Variants in EPPK1 observed in about 807,000 individuals in gnomAD.
EPPK1 encodes the protein epiplakin 1, also known as epiplakin.
For missense variants in EPPK1, 3,823 were observed against 3,673.3 expected (o/e 1.04, Z -1.05); for synonymous variants, 1,862 against 1,721.2 (o/e 1.08, Z -2.03).
At position 143,857,868 on chromosome 8, in the gene EPPK1, T is replaced by G. The variant is rs561516272; in HGVS notation, c.*119A>C. The G allele has an allele frequency of 7.1e-6, 5 of 706,870 alleles. No homozygotes were observed. The African/African-American group carries it at 1.2e-4, about 17-fold the overall frequency. 43.8% of individuals were successfully genotyped at this position (706,870 alleles called of 1,614,324 possible). ...TAAAACGTTTTCCACAGATAACGAA[T>G]GGGTAAAACAACAAAATTAAAGAAT... On this transcript the variant is annotated 3_prime_UTR_variant, in exon 2 of 2. Transcript: ENST00000615648.
rs1554660207 is a variant in EPPK1, at chr8:143,869,068, C to T, written c.4186G>A (p.Val1396Ile). The change falls in exon 2 of 2, where the codon GTT becomes ATT. Residue 1396 changes from valine to isoleucine, a missense_variant. Physicochemically the swap from Val to Ile is conservative, Grantham distance 29. Coordinates refer to ENST00000615648, the MANE Select transcript of EPPK1 (RefSeq NM_031308.4). ...DTQTSQVLTA[V>I]DKDNKFFFDP... ...AAGAAGAACTTGTTGTCCTTGTCAA[C>T]TGCAGTCAGCACCTGGCTCGTCTGT... The T allele has an allele frequency of 1.2e-6, 2 of 1,608,674 alleles. No homozygotes were observed. The highest frequency in any genetic ancestry group is 1.7e-6 in the Non-Finnish European group (2 of 1,179,846).
In EPPK1 at chr8:143,869,221, C is replaced by T. The variant is rs151228615; in HGVS notation, c.4033G>A (p.Gly1345Arg). ...SLSLWQAMEKGLVPQNEGLPL... is the reference protein window; with the variant it reads ...SLSLWQAMEKRLVPQNEGLPL... ...AAGCCCTCGTTCTGTGGCACGAGCC[C>T]CTTCTCCATGGCCTGCCACAGAGAG... The change falls in exon 2 of 2, where the codon GGG becomes AGG. Residue 1345 changes from glycine (G) to arginine (R), a missense_variant. Gly to Arg is a moderately radical substitution (Grantham distance 125, BLOSUM62 -2). Transcript: ENST00000615648. 732 of 1,610,952 alleles carry T rather than the reference C, an allele frequency of 4.5e-4. 9 individuals carry two copies. The African/African-American group carries it at 7.9e-3, about 17-fold the overall frequency.
chr8:143,869,246 G>A lies in EPPK1; in HGVS notation c.4008C>T (p.Leu1336=), dbSNP rs782152904. The A allele has an allele frequency of 1.6e-5, 26 of 1,610,418 alleles. No homozygotes were observed. Among genetic ancestry groups the A allele is most frequent in the Non-Finnish European group, 2.0e-5 (24 of 1,179,320 alleles). ...GYPDPYSRAS[L]SLWQAMEKGL... Reference sequence around the variant, plus strand: ...CCTTCTCCATGGCCTGCCACAGAGAGAGGGAGGCCCTAGAGTAGGGATCTG... The same window carrying A: ...CCTTCTCCATGGCCTGCCACAGAGAAAGGGAGGCCCTAGAGTAGGGATCTG... The change falls in exon 2 of 2, where the codon CTC becomes CTT. Residue 1336 remains leucine (L), a synonymous_variant. Coordinates refer to ENST00000615648, the MANE Select transcript of EPPK1 (RefSeq NM_031308.4).
At position 143,857,896 on chromosome 8, in the gene EPPK1, CAAAAAAAAAA is replaced by C. The variant is rs35186960; in HGVS notation, c.*81_*90del. The C allele has an allele frequency of 9.3e-6, 4 of 432,134 alleles. No individual in the cohort carries two copies. Among genetic ancestry groups the C allele is most frequent in the South Asian group, 8.8e-5 (2 of 22,810 alleles). 26.8% of individuals were successfully genotyped at this position (432,134 alleles called of 1,614,324 possible). A position where few individuals can be genotyped will look rare whatever the true frequency, so the allele number is the denominator to read the frequency against. ...GTAAAACAACAAAATTAAAGAATGA[CAAAAAAAAAA>C]AAAAAAAAAAAAACAACCCAGACAC... On this transcript the variant is annotated 3_prime_UTR_variant, in exon 2 of 2. Transcript: ENST00000615648.
intron 1 of EPPK1, among the ~76,000 whole-genome samples, chr8:143,877,730 G>A (rs1239797627): frequency 6.6e-6 from 1 of 152,124 alleles, no homozygotes; most frequent in African/African-American, 2.4e-5. Flanking sequence ...GTGCCCTTGT[G>A]GGAAGACCCC....
At position 143,869,143 on chromosome 8, in the gene EPPK1, C is replaced by T. The variant is rs376905444; in HGVS notation, c.4111G>A (p.Gly1371Arg). ...GCTGCCGCCTGGGGCAGGTGCACCC[C>T]GTGGACAGGGTCCACCACACCCCCT... ...ATGGVVDPVH[G>R]VHLPQAAACR... The change falls in exon 2 of 2, where the codon GGG becomes AGG. Residue 1371 changes from glycine to arginine, a missense_variant. By Grantham distance (125) the Gly-to-Arg change is moderately radical (BLOSUM62 -2). Transcript: ENST00000615648. 32 of 1,606,140 alleles carry T rather than the reference C, an allele frequency of 2.0e-5. No homozygotes were observed. The African/African-American group carries it at 2.0e-4, about 10-fold the overall frequency.
At position 143,868,811 on chromosome 8, in the gene EPPK1, G is replaced by T; in HGVS notation, c.4443C>A (p.Asp1481Glu). Residue 1481 changes from aspartate (D) to glutamate (E), a missense_variant, in exon 2 of 2, where the codon GAC becomes GAA. Physicochemically the swap from Asp to Glu is conservative, Grantham distance 45 (BLOSUM62 2). Transcript: ENST00000615648. ...DLLLSEYVGADKRRELVALCR... is the reference protein window; with the variant it reads ...DLLLSEYVGAEKRRELVALCR... ...AGAGTGCCACCAGCTCCCGCCGCTT[G>T]TCAGCGCCAACGTATTCGGAGAGCA... is the stretch of plus-strand genomic sequence containing the variant. The T allele has an allele frequency of 6.2e-7, 1 of 1,604,614 alleles. No individual in the cohort carries two copies.
At chr8:143,878,934 C>T (rs1224835184), upstream of EPPK1, among the ~76,000 whole-genome samples, 1 of 152,166 alleles carries the variant, frequency 6.6e-6, no homozygotes, top group Admixed American at 6.5e-5. Context: ...GCAGGCCCCC[C>T]TGCCCCCATG....
At position 143,857,636 on chromosome 8, in the gene EPPK1, T is replaced by G. The variant is rs1466607329; in HGVS notation, c.*351A>C. 3 of 275,502 alleles carry G rather than the reference T, an allele frequency of 1.1e-5. No homozygotes were observed. The highest frequency in any genetic ancestry group is 6.6e-5 in the African/African-American group (3 of 45,596). 17.1% of individuals were successfully genotyped at this position (275,502 alleles called of 1,614,324 possible). A position where few individuals can be genotyped will look rare whatever the true frequency, so the allele number is the denominator to read the frequency against. On this transcript the variant is annotated 3_prime_UTR_variant, in exon 2 of 2. Transcript: ENST00000615648. Reference sequence around the variant, plus strand: ...AATAAAAATTACACTGCAACAAGAGTACCCGATGGCATGATGGACTGAGAG... The same window carrying G: ...AATAAAAATTACACTGCAACAAGAGGACCCGATGGCATGATGGACTGAGAG...
rs782514891 is a variant in EPPK1, at chr8:143,870,409, C to T, written c.2845G>A (p.Ala949Thr). 1 of 1,586,914 alleles carries T rather than the reference C, an allele frequency of 6.3e-7. No homozygotes were observed. The highest frequency in any genetic ancestry group is 8.5e-7 in the Non-Finnish European group (1 of 1,172,050). Residue 949 changes from alanine to threonine, a missense_variant, in exon 2 of 2, where the codon GCC (alanine) becomes ACC (threonine). Ala to Thr is a moderately conservative substitution (Grantham distance 58). Coordinates refer to ENST00000615648, the MANE Select transcript of EPPK1 (RefSeq NM_031308.4). The surrounding 1 kb of genome is among the most constrained non-coding windows in gnomAD (Gnocchi z 5.2). ...GGCCCCAGCAGCTTCTGCCTCATGG[C>T]CTGGTAGAGGCTGAGCCGCTGGCCA... is the stretch of plus-strand genomic sequence containing the variant. ...PSGQRLSLYQ[A>T]MRQKLLGPRV...
intron 1 of EPPK1, among the ~76,000 whole-genome samples, chr8:143,875,970 G>A (rs1276985033): frequency 1.3e-5 from 2 of 152,094 alleles, no homozygotes; most frequent in African/African-American, 4.8e-5. Context: ...ACTGACCTAT[G>A]ATGGAGCTTG....
Position 143,871,328 on chromosome 8 carries a change from G to T in EPPK1, c.1926C>A (p.Ile642=), listed in dbSNP as rs781944296. ...CTGTGGCAGCTTGTGCCTCCAGAAG[G>T]ATGAGGGCAGTGCCGGGCCGGAGGA... ...KGLLRPGTAL[I]LLEAQAATGF... is the part of the protein sequence containing the mutation. Residue 642 remains isoleucine (I), a synonymous_variant, in exon 2 of 2, where the codon ATC becomes ATA. Transcript: ENST00000615648. 16 of 1,611,790 alleles carry T rather than the reference G, an allele frequency of 9.9e-6. No homozygotes were observed. The highest frequency in any genetic ancestry group is 1.4e-5 in the Non-Finnish European group (16 of 1,179,500).
Position 143,868,882 on chromosome 8 carries a change from T to C in EPPK1, c.4372A>G (p.Ser1458Gly). The change falls in exon 2 of 2, where the codon AGC becomes GGC. Residue 1458 changes from serine (S) to glycine (G), a missense_variant. By Grantham distance (56) the Ser-to-Gly change is moderately conservative (BLOSUM62 0). Coordinates refer to ENST00000615648, the MANE Select transcript of EPPK1 (RefSeq NM_031308.4). ...VALRAMKVPV[S>G]TGRFKGCSVS... ...CTACACCCCTTAAACCTCCCTGTGCTGACGGGCACCTTCATGGCCCTCAGA... is the reference window on the plus strand; with the variant it reads ...CTACACCCCTTAAACCTCCCTGTGCCGACGGGCACCTTCATGGCCCTCAGA... The C allele has an allele frequency of 6.2e-7, 1 of 1,610,938 alleles. No homozygotes were observed. The highest frequency in any genetic ancestry group is 1.1e-5 in the South Asian group (1 of 91,076).
At chr8:143,878,942 A>G (rs1386022166), upstream of EPPK1, among the ~76,000 whole-genome samples, 1 of 152,000 alleles carries the variant, frequency 6.6e-6, no homozygotes, top group African/African-American at 2.4e-5. Context: ...CCCTGCCCCC[A>G]TGACGTTGTA....
chr8:143,872,864 C>G lies in EPPK1; in HGVS notation c.390G>C (p.Lys130Asn), dbSNP rs373504724. ...TCCCGATGGCCTGAAAGAGGGCCAGCTTCTCACCGCCGTAGGGGTCAGGAT... is the reference window on the plus strand; with the variant it reads ...TCCCGATGGCCTGAAAGAGGGCCAGGTTCTCACCGCCGTAGGGGTCAGGAT... Reference protein sequence around the residue: ...TGYPDPYGGEKLALFQAIGKE... With the variant: ...TGYPDPYGGENLALFQAIGKE... The change falls in exon 2 of 2, where the codon AAG (lysine) becomes AAC (asparagine). Residue 130 changes from lysine (K) to asparagine (N), a missense_variant. Transcript: ENST00000615648. 41 of 1,570,296 alleles carry G rather than the reference C, an allele frequency of 2.6e-5. No homozygotes were observed. The highest frequency in any genetic ancestry group is 3.5e-5 in the Non-Finnish European group (40 of 1,158,540).
rs1563879019 is a variant in EPPK1, at chr8:143,866,776, C to CTT, written c.6477_6478insAA (p.Glu2160LysfsTer3). ...CTGGTTTCCTGCTTCTCGATCAACTCTAAGATGAGCTGCGCTACCGTCTGC... is the reference window on the plus strand; with the variant it reads ...CTGGTTTCCTGCTTCTCGATCAACTCTTTAAGATGAGCTGCGCTACCGTCTGC... On this transcript the variant is annotated frameshift_variant, in exon 2 of 2. Coordinates refer to ENST00000615648, the MANE Select transcript of EPPK1 (RefSeq NM_031308.4). LOFTEE classifies it low-confidence loss of function (END_TRUNC). The CTT allele has an allele frequency of 6.2e-7, 1 of 1,613,506 alleles. No homozygotes were observed. The highest frequency in any genetic ancestry group is 8.5e-7 in the Non-Finnish European group (1 of 1,179,880).
chr8:143,876,906 G>A (rs1450018986), intron 1 of EPPK1, among the ~76,000 whole-genome samples: 1 of 152,204 alleles, frequency 6.6e-6, no homozygotes, highest in Non-Finnish European at 1.5e-5. Context: ...GGGCCAGTGA[G>A]GGTGGGGACA....
At chr8:143,875,834 C>A (rs1819467022) in intron 1 of EPPK1, among the ~76,000 whole-genome samples, 1 of 152,198 alleles carries the variant, frequency 6.6e-6, no homozygotes, top group Non-Finnish European at 1.5e-5. Context: ...GGCTAGGGCA[C>A]CATTCTCCAG....
At chr8:143,874,053 C>T (rs1237196588) in intron 1 of EPPK1, among the ~76,000 whole-genome samples, 5 of 152,232 alleles carry the variant, frequency 3.3e-5, no homozygotes, top group Non-Finnish European at 5.9e-5. Flanking sequence ...CACCCTGCCC[C>T]GGGGGCCGCA....
Sources: allele counts gnomAD v4.1 joint callset (sites outside exome capture counted in the v4.1 genomes callset), GRCh38; gene constraint gnomAD v4.1.1; non-coding constraint Gnocchi (gnomAD v3.1); transcripts MANE v1.5; gene names NCBI Gene and HGNC (gene_info 2026-07-23, HGNC 2026-07-21).